Variants in LAMC3 observed in about 807,000 individuals in gnomAD.
The protein encoded by LAMC3 is laminin subunit gamma-3.
In LAMC3, 128 loss-of-function variants were observed where a neutral mutation model predicts 173.8. That is an observed-to-expected ratio of 0.74 (90% CI 0.64 to 0.85). The LOEUF is 0.85. LAMC3 is among the 40% of genes least tolerant of loss of function. The pLI, the probability that LAMC3 is intolerant of heterozygous loss-of-function variation, is 0.00. For synonymous variants in LAMC3, 897 were observed against 909.1 expected (o/e 0.99, Z 0.24); for missense variants, 2,022 against 2,156.0 (o/e 0.94, Z 1.23).
chr9:131,041,672 C>T lies in LAMC3; in HGVS notation c.1319C>T (p.Thr440Ile). ...TGCAATCCCGCTGGCAGCCTGGACA[C>T]CTGTGACCCCCGCAGTGGGCGCTGC... Reference protein sequence around the residue: ...CTCNPAGSLDTCDPRSGRCPC... With the variant: ...CTCNPAGSLDICDPRSGRCPC... The change falls in exon 7 of 28, where the codon ACC (threonine) becomes ATC (isoleucine). Residue 440 changes from threonine to isoleucine, a missense_variant. By Grantham distance (89) the Thr-to-Ile change is moderately conservative. Coordinates refer to ENST00000361069, the MANE Select transcript of LAMC3 (RefSeq NM_006059.4). 6.2e-7 allele frequency: 1 copy of T among 1,614,158 alleles called. No homozygotes were observed. The highest frequency in any genetic ancestry group is 1.1e-5 in the South Asian group (1 of 91,072).
At chr9:131,036,713 C>T (rs1833952091) in intron 4 of LAMC3, among the ~76,000 whole-genome samples, 1 of 152,244 alleles carries the variant, frequency 6.6e-6, no homozygotes, top group African/African-American at 2.4e-5. Context: ...CACGGGCCCC[C>T]AGGCAGCCCT....
intron 6 of LAMC3, among the ~76,000 whole-genome samples, chr9:131,039,752 A>T (rs749501820): frequency 2.0e-5 from 3 of 151,762 alleles, no homozygotes; most frequent in Non-Finnish European, 2.9e-5. Context: ...TGGAAGAGGA[A>T]GAAGAGGTGG....
intron 6 of LAMC3, among the ~76,000 whole-genome samples, chr9:131,039,459 T>C (rs1365880599): frequency 1.3e-5 from 2 of 151,868 alleles, no homozygotes; most frequent in Non-Finnish European, 2.9e-5. Context: ...CTGTGGAAGC[T>C]CAGCGGATCT....
chr9:131,009,701 G>A lies in LAMC3; in HGVS notation c.373+114G>A. 7.9e-7 allele frequency: 1 copy of A among 1,260,058 alleles called. No homozygotes were observed. The highest frequency in any genetic ancestry group is 1.1e-6 in the Non-Finnish European group (1 of 907,310). 78.1% of individuals were successfully genotyped at this position (1,260,058 alleles called of 1,614,324 possible). ...AGGTTGGGCTGCAGGACCCAGATAT[G>A]GTGTTGGATGGAGGGGCTCAGAAAT... On this transcript the variant is annotated intron_variant, in intron 1 of 27. Coordinates refer to ENST00000361069, the MANE Select transcript of LAMC3 (RefSeq NM_006059.4). This position sits in a 1 kb window ranked among gnomAD's most constrained non-coding sequence, Gnocchi z 4.3.
chr9:131,088,249 C>T (rs1040833922), intron 27 of LAMC3, among the ~76,000 whole-genome samples: 2 of 152,180 alleles, frequency 1.3e-5, no homozygotes, highest in African/African-American at 2.4e-5. Context: ...TCAAGTCTGG[C>T]TCTGTCCCTT....
intron 27 of LAMC3, among the ~76,000 whole-genome samples, chr9:131,088,502 G>A (rs1830367195): frequency 1.3e-5 from 2 of 152,192 alleles, no homozygotes; most frequent in South Asian, 2.1e-4. Flanking sequence ...GAGGCCCAGT[G>A]TTGTGGGGAG....
chr9:131,069,915 T>C (rs1446580503), intron 17 of LAMC3, 65 bp downstream of exon 17: 4 of 1,492,452 alleles, frequency 2.7e-6, no homozygotes, highest in Non-Finnish European at 3.7e-6. Flanking sequence ...GCCAGCTCTA[T>C]GCCGGGCACC....
At chr9:131,053,522 C>T (rs1441611290) in intron 11 of LAMC3, among the ~76,000 whole-genome samples, 1 of 152,220 alleles carries the variant, frequency 6.6e-6, no homozygotes, top group Non-Finnish European at 1.5e-5. Context: ...ATTAGAACCT[C>T]TACCCACACG....
rs1410038775 is a variant in LAMC3 at position 131,029,443 on chromosome 9, T to A, written c.679-2602T>A. On this transcript the variant is annotated intron_variant, in intron 2 of 27. Coordinates refer to ENST00000361069, the MANE Select transcript of LAMC3 (RefSeq NM_006059.4). This position sits in a 1 kb window ranked among gnomAD's most constrained non-coding sequence, Gnocchi z 4.6. ...TGCAGCCACCACCGTGGGGACACCC[T>A]TGGCTGTTGGAGGTTTTCTGTCTTG... Among the ~76,000 whole-genome samples the A allele has an allele frequency of 6.6e-6, 1 of 152,216 alleles. No homozygotes were observed. The highest frequency in any genetic ancestry group is 1.9e-4 in the East Asian group (1 of 5,192).
intron 6 of LAMC3, among the ~76,000 whole-genome samples, chr9:131,041,351 A>G (rs1448243113): frequency 2.3e-5 from 2 of 85,326 alleles, no homozygotes; most frequent in East Asian, 3.2e-4. Context: ...TGGGTGGCAA[A>G]GTGTGACTCT....
At chr9:131,012,071 A>ACACACACG (rs2133198784) in intron 1 of LAMC3, among the ~76,000 whole-genome samples, 1 of 151,734 alleles carries the variant, frequency 6.6e-6, no homozygotes, top group South Asian at 2.1e-4. Context: ...ATACACACAC[A>ACACACACG]CACACACACA....
At chr9:131,084,552 T>C (rs1830296633) in intron 24 of LAMC3, among the ~76,000 whole-genome samples, 1 of 152,238 alleles carries the variant, frequency 6.6e-6, no homozygotes, top group Admixed American at 6.5e-5. Context: ...ATAGTCTCTT[T>C]GTTTACCAAG....
intron 27 of LAMC3, 137 bp from the exon 28 acceptor site, chr9:131,091,400 C>T (rs1010679657): frequency 3.0e-5 from 36 of 1,211,174 alleles, no homozygotes; most frequent in Non-Finnish European, 4.2e-5. Flanking sequence ...CCCTTCTGCT[C>T]CCCATCTTTC....
intron 13 of LAMC3, 64 bp from the exon 14 acceptor site, chr9:131,066,896 C>A: frequency 6.3e-7 from 1 of 1,597,432 alleles, no homozygotes; most frequent in East Asian, 2.2e-5. Flanking sequence ...CTGCTTCACA[C>A]CCACCCTCAT....
At chr9:131,047,997 C>T (rs11244260) in intron 8 of LAMC3, among the ~76,000 whole-genome samples, 18 of 149,360 alleles carry the variant, frequency 1.2e-4, no homozygotes, top group South Asian at 4.3e-4. Context: ...CCATCTGCCT[C>T]GGCCTCCCAG....
chr9:131,041,520 C>T (rs1025261671), intron 6 of LAMC3, 117 bp from the exon 7 acceptor site: 15 of 878,720 alleles, frequency 1.7e-5, no homozygotes, highest in African/African-American at 1.2e-4. Context: ...AGGTCAGTTA[C>T]CTGCGTCAGC....
chr9:131,068,843 C>T (rs142364213), intron 15 of LAMC3, 65 bp from the exon 16 acceptor site: 136 of 1,588,428 alleles, frequency 8.6e-5, no homozygotes, highest in African/African-American at 8.3e-4. Flanking sequence ...CAGCTGCAGC[C>T]GGCAGAGGCT....
At chr9:131,017,562 T>TA (rs544142318) in intron 1 of LAMC3, among the ~76,000 whole-genome samples, 37,965 of 140,954 alleles carry the variant, frequency 0.27, 5,515 homozygotes, top group East Asian at 0.55. Context: ...CTTTCTCTAT[T>TA]AAAAAAAAAA....
At chr9:131,084,886 G>A (rs1334431736) in intron 24 of LAMC3, among the ~76,000 whole-genome samples, 4 of 150,370 alleles carry the variant, frequency 2.7e-5, no homozygotes, top group Non-Finnish European at 5.9e-5. Flanking sequence ...GTGACAGAGC[G>A]AGACCTTGTC....
Sources: allele counts gnomAD v4.1 joint callset (sites outside exome capture counted in the v4.1 genomes callset), GRCh38; gene constraint gnomAD v4.1.1; non-coding constraint Gnocchi (gnomAD v3.1); transcripts MANE v1.5; gene names NCBI Gene and HGNC (gene_info 2026-07-23, HGNC 2026-07-21).